The following EPHB2 variants were observed in gnomAD, a reference collection of about 807,000 sequenced individuals.
The protein encoded by EPHB2 is EPH receptor B2.
A neutral mutation model predicts 96.4 loss-of-function variants in EPHB2; 18 were observed. The observed-to-expected ratio is 0.19, with a 90% CI of 0.13 to 0.28. The LOEUF is 0.28. Ranked by LOEUF, EPHB2 falls within the 10% of genes least tolerant of loss-of-function variation. EPHB2 has a pLI of 1.00. For synonymous variants in EPHB2, 506 were observed against 534.1 expected (o/e 0.95, Z 0.72); for missense variants, 989 against 1,355.4 (o/e 0.73, Z 4.25).
intron 1 of EPHB2, among the ~76,000 whole-genome samples, chr1:22,744,771 G>A (rs189000677): frequency 6.6e-5 from 10 of 151,040 alleles, no homozygotes; most frequent in Non-Finnish European, 1.2e-4. Context: ...CAGGAGGATC[G>A]CTTGAGGCCA....
chr1:22,765,895 G>C (rs560857268), intron 1 of EPHB2, among the ~76,000 whole-genome samples: 1 of 152,298 alleles, frequency 6.6e-6, no homozygotes, highest in East Asian at 1.9e-4. Flanking sequence ...TGGGGGCAGA[G>C]GGGACAGAAG....
chr1:22,820,612 A>T (rs1159101584), intron 3 of EPHB2, among the ~76,000 whole-genome samples: 1 of 152,188 alleles, frequency 6.6e-6, no homozygotes, highest in Non-Finnish European at 1.5e-5. Context: ...GCAGTGAGTC[A>T]TGATTGCACC....
chr1:22,712,730 C>T (rs1262535924), intron 1 of EPHB2, among the ~76,000 whole-genome samples: 2 of 152,188 alleles, frequency 1.3e-5, no homozygotes, highest in African/African-American at 4.8e-5. Context: ...TGGAGGGCAG[C>T]CCTGGGGCCT....
At chr1:22,838,909 C>G (rs1037455412) in intron 3 of EPHB2, among the ~76,000 whole-genome samples, 1 of 151,004 alleles carries the variant, frequency 6.6e-6, no homozygotes, top group African/African-American at 2.4e-5. Flanking sequence ...CCAGCCTGGG[C>G]GACAGAGTGA....
intron 9 of EPHB2, among the ~76,000 whole-genome samples, chr1:22,902,730 G>A (rs1200902469): frequency 1.3e-5 from 2 of 152,202 alleles, no homozygotes; most frequent in African/African-American, 4.8e-5. Flanking sequence ...GGGCAGCAGA[G>A]TCTTCCAGAA....
chr1:22,758,997 T>TGATG (rs1407856758), intron 1 of EPHB2, among the ~76,000 whole-genome samples: 12 of 151,524 alleles, frequency 7.9e-5, no homozygotes, highest in Admixed American at 7.9e-4. Context: ...GACAGATGAA[T>TGATG]GATGGATGGA....
chr1:22,874,712 A>G (rs545856780), intron 5 of EPHB2, among the ~76,000 whole-genome samples: 9 of 152,308 alleles, frequency 5.9e-5, no homozygotes, highest in Non-Finnish European at 1.2e-4. Context: ...CATATGCTGG[A>G]TCAAGGGGAG....
At chr1:22,754,315 T>C (rs985624635) in intron 1 of EPHB2, among the ~76,000 whole-genome samples, 1 of 152,214 alleles carries the variant, frequency 6.6e-6, no homozygotes, top group Non-Finnish European at 1.5e-5. Context: ...TACAAATGAC[T>C]CACTTTTCTA....
rs867115042 is a variant in EPHB2 at position 22,892,920 on chromosome 1, C to T, written c.1465C>T (p.Pro489Ser). The change falls in exon 7 of 16, where the codon CCC becomes TCC. Residue 489 changes from proline to serine, a missense_variant. Physicochemically the swap from Pro to Ser is moderately conservative, Grantham distance 74. Coordinates refer to ENST00000374630, the MANE Select transcript of EPHB2 (RefSeq NM_017449.5). The stretch of plus-strand genomic sequence containing the variant: ...GTACAACGCCACAGCCATAAAAAGC[C>T]CCACCAACACGGTCACCGTGCAGGG... ...SEYNATAIKS[P>S]TNTVTVQGLK... The T allele has an allele frequency of 1.9e-6, 3 of 1,614,104 alleles. No individual in the cohort carries two copies. The highest frequency in any genetic ancestry group is 2.2e-5 in the East Asian group (1 of 44,894).
intron 5 of EPHB2, among the ~76,000 whole-genome samples, chr1:22,871,455 A>G (rs1043276166): frequency 1.1e-4 from 17 of 152,286 alleles, no homozygotes; most frequent in Admixed American, 1.0e-3. Context: ...CCCATCCCAC[A>G]TGGCCCCTTC....
At chr1:22,881,397 CA>C (rs59396251) in intron 5 of EPHB2, among the ~76,000 whole-genome samples, 4 of 148,096 alleles carry the variant, frequency 2.7e-5, no homozygotes, top group Non-Finnish European at 3.0e-5. Flanking sequence ...GACTCCATCT[CA>C]AAAAAAAAAT....
At chr1:22,839,538 G>A (rs1203548752) in intron 3 of EPHB2, among the ~76,000 whole-genome samples, 1 of 152,182 alleles carries the variant, frequency 6.6e-6, no homozygotes, top group African/African-American at 2.4e-5. Context: ...AATCCCTGTG[G>A]GAATTTGGAG....
intron 1 of EPHB2, among the ~76,000 whole-genome samples, chr1:22,759,733 A>G (rs1020813720): frequency 6.6e-6 from 1 of 152,130 alleles, no homozygotes; most frequent in African/African-American, 2.4e-5. Context: ...TCCCATCCCC[A>G]GCCCCTTGAG....
At chr1:22,721,772 C>T (rs987936171) in intron 1 of EPHB2, among the ~76,000 whole-genome samples, 5 of 151,382 alleles carry the variant, frequency 3.3e-5, no homozygotes, top group African/African-American at 1.2e-4. Context: ...CCTGCCACCG[C>T]ATCCAGCATT....
rs931257408 is a variant in EPHB2, at chr1:22,913,282, C to T, written c.2853-180C>T. 4 of 746,638 alleles carry T rather than the reference C, an allele frequency of 5.4e-6. No homozygotes were observed. The highest frequency in any genetic ancestry group is 2.2e-5 in the Admixed American group (1 of 46,336). The allele number at this position is 746,638 out of a possible 1,614,324, so 46.3% of individuals were successfully genotyped here. A position where few individuals can be genotyped will look rare whatever the true frequency, so the allele number is the denominator to read the frequency against. ...GGACCCTGATTCCGACTCAAGTGCT[C>T]TTCCACCTCACACCATAGTCGCTCC... On this transcript the variant is annotated intron_variant, in intron 15 of 15. Transcript: ENST00000374630. This position sits in a 1 kb window ranked among gnomAD's most constrained non-coding sequence, Gnocchi z 4.1.
intron 6 of EPHB2, among the ~76,000 whole-genome samples, chr1:22,890,904 G>A (rs983438821): frequency 3.9e-5 from 6 of 152,192 alleles, no homozygotes; most frequent in South Asian, 4.1e-4. Context: ...CCCCAGGCAT[G>A]AGGAACTGTG....
intron 1 of EPHB2, among the ~76,000 whole-genome samples, chr1:22,752,869 A>G (rs1057446436): frequency 4.6e-5 from 7 of 152,096 alleles, no homozygotes; most frequent in Admixed American, 2.0e-4. Flanking sequence ...CTGCAGCGTC[A>G]GATTACTGGG....
chr1:22,774,376 T>C (rs1170612062), intron 1 of EPHB2, among the ~76,000 whole-genome samples: 1 of 152,118 alleles, frequency 6.6e-6, no homozygotes, highest in African/African-American at 2.4e-5. Context: ...GAGATGTTCA[T>C]TGAATGACCA....
chr1:22,851,167 T>A (rs1435232923), intron 3 of EPHB2, among the ~76,000 whole-genome samples: 5 of 152,160 alleles, frequency 3.3e-5, no homozygotes, highest in African/African-American at 9.7e-5. Flanking sequence ...GCTCATTTTT[T>A]AAAATTTTTT....
Sources: gnomAD v4.1 joint callset for allele counts (sites outside exome capture counted in the v4.1 genomes callset) on GRCh38, gnomAD v4.1.1 for gene constraint, Gnocchi (gnomAD v3.1) non-coding constraint, MANE v1.5 for transcripts, NCBI Gene and HGNC (gene_info 2026-07-23, HGNC 2026-07-21) for gene names.